ANO4: variants seen among roughly 807,000 people sequenced by gnomAD.
ANO4 encodes anoctamin-4.
A neutral mutation model predicts 141.9 loss-of-function variants in ANO4; 69 were observed. The ratio of observed to expected loss-of-function variants is 0.49; its 90% CI spans 0.40 to 0.59. ANO4 has a LOEUF of 0.59. Among genes scored for constraint, ANO4 ranks in the 20% least tolerant of loss-of-function variants. The pLI is 0.00. For missense variants in ANO4, 894 were observed against 1,162.2 expected (o/e 0.77, Z 3.36); for synonymous variants, 350 against 394.3 (o/e 0.89, Z 1.33).
At chr12:100,769,363 A>G (rs2033208415) in intron 3 of ANO4, among the ~76,000 whole-genome samples, 1 of 152,176 alleles carries the variant, frequency 6.6e-6, no homozygotes. Context: ...GGTAATAGAA[A>G]TGTAATTGTT....
intron 24 of ANO4, among the ~76,000 whole-genome samples, chr12:101,112,620 A>G (rs987413770): frequency 1.3e-5 from 2 of 152,146 alleles, no homozygotes; most frequent in South Asian, 2.1e-4. Context: ...TACTAGCCTG[A>G]GCCAGATTGA....
At chr12:100,740,551 CAA>C (rs1164854722) in intron 3 of ANO4, among the ~76,000 whole-genome samples, 2 of 152,048 alleles carry the variant, frequency 1.3e-5, no homozygotes, top group African/African-American at 4.8e-5. Context: ...TATTTAGTGA[CAA>C]GATATCTATC....
At chr12:100,985,096 C>T (rs2044650818) in intron 7 of ANO4, among the ~76,000 whole-genome samples, 1 of 152,112 alleles carries the variant, frequency 6.6e-6, no homozygotes, top group Non-Finnish European at 1.5e-5. Context: ...AATAAAAAAC[C>T]TTTGGGCCAA....
At chr12:100,943,227 C>T (rs1000413849) in intron 5 of ANO4, among the ~76,000 whole-genome samples, 3 of 152,186 alleles carry the variant, frequency 2.0e-5, no homozygotes, top group Non-Finnish European at 4.4e-5. Flanking sequence ...GAACTTGGCC[C>T]GTTAACTGAA....
At chr12:100,755,508 G>A (rs964680383) in intron 3 of ANO4, among the ~76,000 whole-genome samples, 1 of 152,184 alleles carries the variant, frequency 6.6e-6, no homozygotes, top group African/African-American at 2.4e-5. Context: ...TGTGTTTGAT[G>A]CATAATAGTT....
chr12:100,966,880 CACAT>C (rs1261945428), intron 5 of ANO4, among the ~76,000 whole-genome samples: 2 of 128,888 alleles, frequency 1.6e-5, no homozygotes, highest in East Asian at 4.5e-4. Context: ...TATACACACA[CACAT>C]ACACACACAC....
chr12:100,909,207 G>A (rs1413030805), intron 2 of ANO4, among the ~76,000 whole-genome samples: 1 of 152,196 alleles, frequency 6.6e-6, no homozygotes, highest in Non-Finnish European at 1.5e-5. Flanking sequence ...TCTTCTATTT[G>A]ACTATCTGGA....
chr12:100,818,925 A>T (rs528331624), intron 1 of ANO4, among the ~76,000 whole-genome samples: 1 of 151,936 alleles, frequency 6.6e-6, no homozygotes, highest in Admixed American at 6.6e-5. Context: ...GCTAAAACTG[A>T]GGATCCTTGG....
At chr12:101,126,803 C>T in intron 26 of ANO4, 76 bp from the exon 27 acceptor site, 3 of 1,377,160 alleles carry the variant, frequency 2.2e-6, no homozygotes, top group Non-Finnish European at 3.0e-6. Flanking sequence ...GGGTCCACAT[C>T]CTTCTTCAGC....
chr12:101,037,040 C>T (rs1430176805), intron 9 of ANO4, 55 bp from the exon 10 acceptor site: 17 of 1,528,836 alleles, frequency 1.1e-5, no homozygotes, highest in African/African-American at 1.4e-5. Flanking sequence ...TTGTTTTGAA[C>T]ATTGTGAGTA....
chr12:101,115,569 A>G (rs2050821228), intron 24 of ANO4, among the ~76,000 whole-genome samples: 1 of 152,234 alleles, frequency 6.6e-6, no homozygotes, highest in African/African-American at 2.4e-5. Context: ...AACACTATTT[A>G]AAGAAAAATG....
In ANO4 at chr12:100,942,479, AAG is replaced by A. The variant is rs1364045600; in HGVS notation, c.406_407del (p.Glu136SerfsTer3). On this transcript the variant is annotated frameshift_variant, in exon 5 of 28. Coordinates refer to ENST00000392977, the MANE Select transcript of ANO4 (RefSeq NM_001286615.2). LOFTEE classifies it high-confidence loss of function. Reference sequence around the variant, plus strand: ...CAGAAAATCCAACCCCCAGACTGAAAAGAGAGAAGTATTTGAAAGAAACATTA... The same window carrying A: ...CAGAAAATCCAACCCCCAGACTGAAAAGAGAAGTATTTGAAAGAAACATTA... ...VYRKSNPQTE[K>X]REVFERNIRA... 6.2e-7 allele frequency: 1 copy of A among 1,614,122 alleles called. No homozygotes were observed. The highest frequency in any genetic ancestry group is 8.5e-7 in the Non-Finnish European group (1 of 1,179,988).
intron 2 of ANO4, chr12:100,733,945 G>A (rs2031501583): frequency 1.6e-6 from 1 of 623,664 alleles, no homozygotes; most frequent in Non-Finnish European, 2.9e-6. Flanking sequence ...GGAGGAGAGG[G>A]AAGAAAATAT....
At chr12:101,058,043 A>G (rs686791) in intron 14 of ANO4, among the ~76,000 whole-genome samples, 143,274 of 152,328 alleles carry the variant, frequency 0.94, 67,490 homozygotes, top group East Asian at 1. Flanking sequence ...TTTTGAATAA[A>G]GTGTAAGGAA....
intron 3 of ANO4, among the ~76,000 whole-genome samples, chr12:100,740,370 A>G (rs1200682614): frequency 6.6e-6 from 1 of 152,044 alleles, no homozygotes; most frequent in Non-Finnish European, 1.5e-5. Context: ...GCACACCACC[A>G]TGCCCAGCTC....
intron 3 of ANO4, among the ~76,000 whole-genome samples, chr12:100,926,553 T>C (rs920740004): frequency 3.9e-5 from 6 of 152,010 alleles, no homozygotes; most frequent in Non-Finnish European, 8.8e-5. Context: ...ACAACTTGAT[T>C]GCTTTTTAGG....
rs533608076 is a variant in ANO4, at chr12:101,025,709, G to A, written c.841+5569G>A. Among the ~76,000 whole-genome samples, 26 of 152,312 alleles carry A rather than the reference G, an allele frequency of 1.7e-4. 1 individual carries two copies. The highest frequency in any genetic ancestry group is 6.3e-4 in the African/African-American group (26 of 41,570). On this transcript the variant is annotated intron_variant, in intron 9 of 27. Transcript: ENST00000392977. ...AATTTAGCAAATAAAGTTTAACAATGTATAACAAGGGTAATACATCATGAC... is the reference window on the plus strand; with the variant it reads ...AATTTAGCAAATAAAGTTTAACAATATATAACAAGGGTAATACATCATGAC...
At chr12:100,805,009 A>T (rs1165342202) in intron 1 of ANO4, among the ~76,000 whole-genome samples, 1 of 152,076 alleles carries the variant, frequency 6.6e-6, no homozygotes, top group Non-Finnish European at 1.5e-5. Flanking sequence ...TGGCATTTTC[A>T]TGTGAAGTCT....
In ANO4 at chr12:101,080,883, T is replaced by TATATTATATATA. The variant is rs1491584060; in HGVS notation, c.1395+1608_1395+1609insATATTATATATA. 2.9e-3 allele frequency among the ~76,000 whole-genome samples: 216 copies of TATATTATATATA among 74,052 alleles called. 1 individual carries two copies. Among genetic ancestry groups the TATATTATATATA allele is most frequent in the African/African-American group, 8.1e-3 (207 of 25,600 alleles). 48.6% of individuals were successfully genotyped at this position (74,052 alleles called of 152,430 possible). On this transcript the variant is annotated intron_variant, in intron 15 of 27. Coordinates refer to ENST00000392977, the MANE Select transcript of ANO4 (RefSeq NM_001286615.2). ...GGTTCTAGATATATATATATATATA[T>TATATTATATATA]TATATATATATATATATACATACAC...
Sources: gnomAD v4.1 joint callset for allele counts (sites outside exome capture counted in the v4.1 genomes callset) on GRCh38, gnomAD v4.1.1 for gene constraint, MANE v1.5 for transcripts, NCBI Gene and HGNC (gene_info 2026-07-23, HGNC 2026-07-21) for gene names.